GALNT18: variants seen among roughly 807,000 people sequenced by gnomAD.
GALNT18 encodes polypeptide N-acetylgalactosaminyltransferase 18.
A neutral mutation model predicts 69.5 loss-of-function variants in GALNT18; 44 were observed. That is an observed-to-expected ratio of 0.63 (90% confidence interval 0.50 to 0.81). The LOEUF is 0.81. Ranked by LOEUF, GALNT18 falls within the 40% of genes least tolerant of loss-of-function variation. The pLI, the probability that GALNT18 is intolerant of heterozygous loss-of-function variation, is 0.00. For synonymous variants in GALNT18, 364 were observed against 318.2 expected (o/e 1.14, Z -1.53); for missense variants, 715 against 810.0 (o/e 0.88, Z 1.42).
At chr11:11,537,847 C>G (rs189985065) in intron 1 of GALNT18, among the ~76,000 whole-genome samples, 18 of 152,290 alleles carry the variant, frequency 1.2e-4, no homozygotes, top group Non-Finnish European at 2.5e-4. Context: ...ATTCTCTGCC[C>G]TAAAAATCTG....
chr11:11,286,399 C>CT (rs149294763), intron 10 of GALNT18, among the ~76,000 whole-genome samples: 8,466 of 152,330 alleles, frequency 0.056, 309 homozygotes, highest in Middle Eastern at 0.18. Context: ...GCGCTACCAC[C>CT]TAAAAGTGTT....
chr11:11,454,495 G>A lies in GALNT18; in HGVS notation c.236-5559C>T, dbSNP rs112386444. 6.6e-6 allele frequency among the ~76,000 whole-genome samples: 1 copy of A among 151,626 alleles called. No individual in the cohort carries two copies. Among genetic ancestry groups the A allele is most frequent in the African/African-American group, 2.4e-5 (1 of 41,262 alleles). ...GGAGGCAGGGAGAGAAGGAGGCTGT[G>A]TCTTCTTCTTGCCTCTCTCTCTCTC... On this transcript the variant is annotated intron_variant, in intron 1 of 10. Transcript: ENST00000227756. The surrounding 1 kb of genome is among the most constrained non-coding windows in gnomAD (Gnocchi z 4.2).
intron 3 of GALNT18, among the ~76,000 whole-genome samples, chr11:11,423,345 AG>A (rs1468376384): frequency 6.6e-6 from 1 of 152,272 alleles, no homozygotes; most frequent in African/African-American, 2.4e-5. Context: ...AAAGATGTGC[AG>A]ACATACACAT....
At position 11,432,826 on chromosome 11, in the gene GALNT18, C is replaced by G. The variant is rs938121173; in HGVS notation, c.429-39G>C. 2.5e-6 allele frequency: 4 copies of G among 1,593,836 alleles called. No homozygotes were observed. Among genetic ancestry groups the G allele is most frequent in the Admixed American group, 3.4e-5 (2 of 59,336 alleles). On this transcript the variant is annotated intron_variant, in intron 2 of 10. Transcript: ENST00000227756. This position sits in a 1 kb window ranked among gnomAD's most constrained non-coding sequence, Gnocchi z 5.8. ...CCAAGCGCTTAGATTTGTGACTCAG[C>G]TGGAGTCATCTCAGGAGCTGACCCA...
intron 3 of GALNT18, among the ~76,000 whole-genome samples, chr11:11,428,177 C>T (rs902201987): frequency 2.6e-5 from 4 of 152,216 alleles, no homozygotes; most frequent in East Asian, 1.9e-4. Flanking sequence ...AGCAGCTCCC[C>T]GCGTGGAGTC....
At chr11:11,324,413 G>A (rs1033985210) in intron 9 of GALNT18, among the ~76,000 whole-genome samples, 4 of 152,174 alleles carry the variant, frequency 2.6e-5, no homozygotes, top group African/African-American at 9.7e-5. Context: ...GTGTCCATCA[G>A]CAGTTGAATA....
At chr11:11,288,226 CT>C (rs1849228970) in intron 10 of GALNT18, among the ~76,000 whole-genome samples, 1 of 152,160 alleles carries the variant, frequency 6.6e-6, no homozygotes. Flanking sequence ...CTACATGACT[CT>C]AAGTCTTATC....
rs200550417 is a variant in GALNT18 at position 11,595,007 on chromosome 11, ATC to A, written c.235+26350_235+26351del. On this transcript the variant is annotated intron_variant, in intron 1 of 10. Coordinates refer to ENST00000227756, the MANE Select transcript of GALNT18 (RefSeq NM_198516.3). This position sits in a 1 kb window ranked among gnomAD's most constrained non-coding sequence, Gnocchi z 5.2. ...TGTGTGTGTGTGTGTGTGTATATAT[ATC>A]TATATAAAATCTCCAAGAATGAATA... Among the ~76,000 whole-genome samples, 14 of 150,730 alleles carry A rather than the reference ATC, an allele frequency of 9.3e-5. No individual in the cohort carries two copies. The highest frequency in any genetic ancestry group is 3.2e-4 in the African/African-American group (13 of 41,008).
At chr11:11,284,131 C>G (rs1303305716) in intron 10 of GALNT18, among the ~76,000 whole-genome samples, 3 of 152,218 alleles carry the variant, frequency 2.0e-5, no homozygotes, top group Admixed American at 6.5e-5. Flanking sequence ...CAATTTGTGT[C>G]TCAACATAGA....
Position 11,404,964 on chromosome 11 carries a change from A to T in GALNT18, c.596-25700T>A, listed in dbSNP as rs1339119688. On this transcript the variant is annotated intron_variant, in intron 3 of 10. Transcript: ENST00000227756. This position sits in a 1 kb window ranked among gnomAD's most constrained non-coding sequence, Gnocchi z 4.5. ...GGGGTCCCGCCTGTCATGGGGGAACAGATGAAGCAACAGAGCTGCTTTGCT... is the reference window on the plus strand; with the variant it reads ...GGGGTCCCGCCTGTCATGGGGGAACTGATGAAGCAACAGAGCTGCTTTGCT... Among the ~76,000 whole-genome samples, 1 of 152,208 alleles carries T rather than the reference A, an allele frequency of 6.6e-6. No individual in the cohort carries two copies. Among genetic ancestry groups the T allele is most frequent in the Non-Finnish European group, 1.5e-5 (1 of 68,032 alleles).
Position 11,604,478 on chromosome 11 carries a change from C to G in GALNT18, c.235+16881G>C, listed in dbSNP as rs573774392. Among the ~76,000 whole-genome samples the G allele has an allele frequency of 3.9e-5, 6 of 152,196 alleles. No homozygotes were observed. The South Asian group carries it at 1.2e-3, about 32-fold the overall frequency. ...GCGATCTACATCCAGCCCTAGACAC[C>G]CAGGCAGCTTCTGGCAACACCAGTA... On this transcript the variant is annotated intron_variant, in intron 1 of 10. Coordinates refer to ENST00000227756, the MANE Select transcript of GALNT18 (RefSeq NM_198516.3). This position sits in a 1 kb window ranked among gnomAD's most constrained non-coding sequence, Gnocchi z 5.6.
At position 11,522,263 on chromosome 11, in the gene GALNT18, C is replaced by T. The variant is rs1247025037; in HGVS notation, c.236-73327G>A. On this transcript the variant is annotated intron_variant, in intron 1 of 10. Transcript: ENST00000227756. ...CGGTCCCTGCCCTACAAACTCTATG[C>T]CCCATCTCTGAGAGACGGCTGCCCA... 2.0e-5 allele frequency among the ~76,000 whole-genome samples: 3 copies of T among 152,194 alleles called. No individual in the cohort carries two copies. In the East Asian group the frequency reaches 5.8e-4, roughly 29 times the overall value.
chr11:11,290,950 C>G (rs1849285971), intron 10 of GALNT18, among the ~76,000 whole-genome samples: 1 of 152,190 alleles, frequency 6.6e-6, no homozygotes, highest in Admixed American at 6.5e-5. Flanking sequence ...CTGTTGTCTT[C>G]AACCTACAAG....
intron 1 of GALNT18, among the ~76,000 whole-genome samples, chr11:11,451,961 G>T (rs57910517): frequency 3.9e-5 from 6 of 152,278 alleles, no homozygotes; most frequent in African/African-American, 1.4e-4. Flanking sequence ...AGTTTTATTA[G>T]AACACAGTCA....
intron 2 of GALNT18, among the ~76,000 whole-genome samples, chr11:11,443,516 T>C (rs1354190950): frequency 6.6e-6 from 1 of 152,048 alleles, no homozygotes; most frequent in Non-Finnish European, 1.5e-5. Context: ...TCCTAGATTA[T>C]TTTGGAGCCT....
intron 1 of GALNT18, among the ~76,000 whole-genome samples, chr11:11,522,156 C>A (rs961043824): frequency 1.3e-5 from 2 of 152,202 alleles, no homozygotes; most frequent in Admixed American, 6.5e-5. Flanking sequence ...CCCAAGAATC[C>A]TCCCCCTGAG....
intron 1 of GALNT18, among the ~76,000 whole-genome samples, chr11:11,464,901 C>G (rs1411617667): frequency 6.6e-6 from 1 of 152,184 alleles, no homozygotes; most frequent in East Asian, 1.9e-4. Flanking sequence ...AATAACAGAG[C>G]CTTTCACATT....
At position 11,389,043 on chromosome 11, in the gene GALNT18, C is replaced by T. The variant is rs1854119559; in HGVS notation, c.596-9779G>A. On this transcript the variant is annotated intron_variant, in intron 3 of 10. Transcript: ENST00000227756. This position sits in a 1 kb window ranked among gnomAD's most constrained non-coding sequence, Gnocchi z 4.3. ...AGAGGCTAAAGGATTTGCCCAGTAT[C>T]ACAGAGCTAGAAGATGGCAGAGCTG... Among the ~76,000 whole-genome samples, 1 of 152,178 alleles carries T rather than the reference C, an allele frequency of 6.6e-6. No individual in the cohort carries two copies. Among genetic ancestry groups the T allele is most frequent in the Non-Finnish European group, 1.5e-5 (1 of 68,034 alleles).
intron 1 of GALNT18, among the ~76,000 whole-genome samples, chr11:11,568,312 G>C (rs538052524): frequency 2.6e-5 from 4 of 152,198 alleles, no homozygotes; most frequent in Middle Eastern, 3.4e-3. Context: ...AGGAGTAGCA[G>C]GTAGCTCTGG....
Sources: allele counts gnomAD v4.1 joint callset (sites outside exome capture counted in the v4.1 genomes callset), GRCh38; gene constraint gnomAD v4.1.1; non-coding constraint Gnocchi (gnomAD v3.1); transcripts MANE v1.5; gene names NCBI Gene and HGNC (gene_info 2026-07-23, HGNC 2026-07-21).